FYB1: variants seen among roughly 807,000 people sequenced by gnomAD.
The protein encoded by FYB1 is FYN binding protein 1, also known as FYN-binding protein 1.
A neutral mutation model predicts 94.1 loss-of-function variants in FYB1; 41 were observed. That is an observed-to-expected ratio of 0.44 (90% CI 0.34 to 0.57). FYB1 has a LOEUF of 0.57. FYB1 is among the 20% of genes least tolerant of loss of function. FYB1 has a pLI of 0.02. For synonymous variants in FYB1, 367 were observed against 353.2 expected, an observed-to-expected ratio of 1.04 and a Z score of -0.44; for missense variants, 1,050 against 976.8, an observed-to-expected ratio of 1.07 and a Z score of -1.00.
chr5:39,253,564 G>A (rs565136735), intron 1 of FYB1, among the ~76,000 whole-genome samples: 2 of 152,308 alleles, frequency 1.3e-5, no homozygotes, highest in African/African-American at 2.4e-5. Flanking sequence ...ACAGGTAAAT[G>A]TGTGTTGTAA....
At chr5:39,144,797 GTC>G (rs1228622580) in intron 3 of FYB1, among the ~76,000 whole-genome samples, 8 of 151,892 alleles carry the variant, frequency 5.3e-5, no homozygotes, top group Admixed American at 3.9e-4. Context: ...GCGAAACTGT[GTC>G]TCAAAAAAAA....
intron 1 of FYB1, among the ~76,000 whole-genome samples, chr5:39,247,220 T>C (rs1372159575): frequency 3.3e-5 from 5 of 150,924 alleles, no homozygotes; most frequent in African/African-American, 1.2e-4. Context: ...ACTGGCAAAG[T>C]AGGTCATTTT....
At chr5:39,211,317 CTT>C (rs1561273325) in intron 1 of FYB1, among the ~76,000 whole-genome samples, 1 of 113,804 alleles carries the variant, frequency 8.8e-6, no homozygotes, top group Non-Finnish European at 1.7e-5. Flanking sequence ...TTTTTCTTTT[CTT>C]TTCTTTTTTT....
At chr5:39,225,733 C>A (rs1750443904) in intron 1 of FYB1, among the ~76,000 whole-genome samples, 1 of 152,302 alleles carries the variant, frequency 6.6e-6, no homozygotes, top group East Asian at 1.9e-4. Context: ...TCTCTTCATG[C>A]CCAATGAACT....
intron 3 of FYB1, among the ~76,000 whole-genome samples, chr5:39,147,454 G>GTA (rs1276093972): frequency 2.4e-5 from 2 of 84,968 alleles, no homozygotes; most frequent in Non-Finnish European, 5.6e-5. Context: ...ACATATGCCT[G>GTA]TGTGTGTGTG....
intron 1 of FYB1, among the ~76,000 whole-genome samples, chr5:39,261,702 G>A (rs1262592137): frequency 2.0e-5 from 3 of 152,108 alleles, no homozygotes; most frequent in African/African-American, 7.2e-5. Context: ...AGCAGAGATC[G>A]TGCTACTGCC....
intron 14 of FYB1, among the ~76,000 whole-genome samples, chr5:39,121,623 A>G (rs1277187815): frequency 6.6e-6 from 1 of 152,106 alleles, no homozygotes; most frequent in East Asian, 1.9e-4. Flanking sequence ...TTTTATACTC[A>G]GTATGTATCA....
At chr5:39,169,979 A>C in intron 2 of FYB1, 1 of 696,438 alleles carries the variant, frequency 1.4e-6, no homozygotes, top group South Asian at 1.5e-5. Flanking sequence ...TCAGGTTCTG[A>C]CTTTCTTGTT....
At chr5:39,201,780 G>T (rs1295322452) in intron 2 of FYB1, 46 bp downstream of exon 2, 2 of 1,514,830 alleles carry the variant, frequency 1.3e-6, no homozygotes, top group South Asian at 2.5e-5. Flanking sequence ...AACATTCTCT[G>T]CCTTGGAGTA....
At chr5:39,182,269 TTG>T (rs377762853) in intron 2 of FYB1, among the ~76,000 whole-genome samples, 35 of 135,374 alleles carry the variant, frequency 2.6e-4, no homozygotes, top group South Asian at 4.6e-4. Context: ...CAAATGCTTT[TTG>T]TGTGTGTGTG....
chr5:39,191,708 C>G (rs1283244724), intron 2 of FYB1, among the ~76,000 whole-genome samples: 1 of 152,138 alleles, frequency 6.6e-6, no homozygotes, highest in Non-Finnish European at 1.5e-5. Flanking sequence ...CTTTTTCTGT[C>G]CCTTATTCCT....
chr5:39,205,657 A>T (rs1748778281), intron 1 of FYB1, among the ~76,000 whole-genome samples: 1 of 152,164 alleles, frequency 6.6e-6, no homozygotes, highest in Admixed American at 6.5e-5. Context: ...AAAATATGGA[A>T]GTGGTAGATT....
intron 1 of FYB1, among the ~76,000 whole-genome samples, chr5:39,242,363 C>T (rs1403652102): frequency 1.4e-5 from 2 of 147,454 alleles, no homozygotes; most frequent in Non-Finnish European, 3.0e-5. Flanking sequence ...TTGTTCAATT[C>T]CCACCTATGA....
intron 2 of FYB1, among the ~76,000 whole-genome samples, chr5:39,194,532 A>T (rs753882427): frequency 3.3e-5 from 5 of 152,048 alleles, no homozygotes; most frequent in African/African-American, 1.2e-4. Flanking sequence ...CAAAAAATAA[A>T]AAAGAAAGAC....
intron 5 of FYB1, 82 bp from the exon 6 acceptor site, chr5:39,138,773 G>T (rs1415748518): frequency 2.5e-6 from 2 of 808,732 alleles, no homozygotes; most frequent in Admixed American, 2.2e-5. Context: ...GACTTAAAAT[G>T]AAGGCAACAA....
rs897044867 is a variant in FYB1, at chr5:39,113,806, G to T, written c.2402-3417C>A. ...AATCATATTGCATAGATTTACCTAG[G>T]CAAGTGGAACAATGTCCAATTTCAG... On this transcript the variant is annotated intron_variant, in intron 16 of 18. Coordinates refer to ENST00000512982, the MANE Select transcript of FYB1 (RefSeq NM_001465.6). 3.9e-5 allele frequency among the ~76,000 whole-genome samples: 6 copies of T among 152,074 alleles called. No homozygotes were observed. In the South Asian group the frequency reaches 1.2e-3, roughly 32 times the overall value.
chr5:39,203,362 C>T lies in FYB1; in HGVS notation c.-27-375G>A, dbSNP rs577388374. Among the ~76,000 whole-genome samples the T allele has an allele frequency of 3.9e-5, 6 of 152,088 alleles. No individual in the cohort carries two copies. In the East Asian group the frequency reaches 9.7e-4, roughly 25 times the overall value. ...GGAAGTGACTAAAAAAAGATTTCTT[C>T]CATATTTTATAATTGAAACTCTTAA... On this transcript the variant is annotated intron_variant, in intron 1 of 18. Transcript: ENST00000512982.
intron 3 of FYB1, among the ~76,000 whole-genome samples, chr5:39,150,948 A>T (rs1450951621): frequency 2.6e-5 from 4 of 152,126 alleles, no homozygotes. Context: ...AGTGGTTCCC[A>T]TTTCACTCAA....
chr5:39,146,051 T>TA (rs1465914205), intron 3 of FYB1, among the ~76,000 whole-genome samples: 1 of 151,900 alleles, frequency 6.6e-6, no homozygotes, highest in Non-Finnish European at 1.5e-5. Flanking sequence ...TAGCTGGGAT[T>TA]CTACAGATGC....
Sources: gnomAD v4.1 joint callset for allele counts (sites outside exome capture counted in the v4.1 genomes callset) on GRCh38, gnomAD v4.1.1 for gene constraint, MANE v1.5 for transcripts, NCBI Gene and HGNC (gene_info 2026-07-23, HGNC 2026-07-21) for gene names.